RNF126: variants seen among roughly 807,000 people sequenced by gnomAD.
RNF126 encodes E3 ubiquitin-protein ligase RNF126.
A neutral mutation model predicts 41.9 loss-of-function variants in RNF126; 20 were observed. That is an observed-to-expected ratio of 0.48 (90% CI 0.34 to 0.69). RNF126 has a LOEUF of 0.69. RNF126 is among the 30% of genes least tolerant of loss of function. RNF126 has a pLI of 0.01. For synonymous variants in RNF126, 239 were observed against 202.9 expected (o/e 1.18, Z -1.51); for missense variants, 433 against 460.6 (o/e 0.94, Z 0.55).
intron 1 of RNF126, among the ~76,000 whole-genome samples, chr19:654,070 A>G (rs2030450205): frequency 6.6e-6 from 1 of 152,202 alleles, no homozygotes; most frequent in Admixed American, 6.5e-5. Flanking sequence ...TCTGGGGAGA[A>G]GCGGGGGTCT....
intron 1 of RNF126, among the ~76,000 whole-genome samples, chr19:658,423 C>T (rs981482455): frequency 3.9e-5 from 6 of 152,072 alleles, no homozygotes; most frequent in Non-Finnish European, 7.4e-5. Context: ...GCAGGGCCCT[C>T]GGGAAGCTGT....
chr19:651,765 G>A lies in RNF126; in HGVS notation c.289C>T (p.Pro97Ser), dbSNP rs2030307005. Residue 97 changes from proline to serine, a missense_variant, in exon 4 of 9, where the codon CCT becomes TCT. Pro to Ser is a moderately conservative substitution (Grantham distance 74, BLOSUM62 -1). Around this residue, in one of 5 missense-constraint regions of RNF126, gnomAD observed 247 missense variants for 224.7 expected, o/e 1.10. Coordinates refer to ENST00000292363, the MANE Select transcript of RNF126 (RefSeq NM_194460.3). ...CCGTCGTCAGCCTGCGCCCCAGGAG[G>A]GAACGTGGGGATCTCGAAGCTGTCA... ...FDDSFEIPTF[P>S]PGAQADDGRD... 6.2e-7 allele frequency: 1 copy of A among 1,612,626 alleles called. No individual in the cohort carries two copies. The highest frequency in any genetic ancestry group is 1.3e-5 in the African/African-American group (1 of 74,924).
Position 648,081 on chromosome 19 carries a change from A to C in RNF126, c.*47T>G, listed in dbSNP as rs750117113. On this transcript the variant is annotated 3_prime_UTR_variant, in exon 9 of 9. Coordinates refer to ENST00000292363, the MANE Select transcript of RNF126 (RefSeq NM_194460.3). ...TGTGGGTGCCGTGTGGCGCTGGCTG[A>C]GGGTGGGTGGGAAAGGCCCCGTGCT... is the stretch of plus-strand genomic sequence containing the variant. 1 of 1,509,278 alleles carries C rather than the reference A, an allele frequency of 6.6e-7. No homozygotes were observed. Among genetic ancestry groups the C allele is most frequent in the African/African-American group, 1.4e-5 (1 of 72,138 alleles). The allele number at this position is 1,509,278 out of a possible 1,614,324, so 93.5% of individuals were successfully genotyped here.
At chr19:655,560 C>T (rs542145462) in intron 1 of RNF126, among the ~76,000 whole-genome samples, 5 of 152,106 alleles carry the variant, frequency 3.3e-5, no homozygotes, top group East Asian at 1.9e-4. Flanking sequence ...TAAACGCAGC[C>T]GGCCAGCCCC....
intron 6 of RNF126, 113 bp downstream of exon 6, chr19:649,566 G>T: frequency 2.5e-6 from 2 of 803,658 alleles, no homozygotes; most frequent in Non-Finnish European, 2.0e-6. Context: ...GGCTGTGCCC[G>T]CATCCCCTTT....
At position 659,766 on chromosome 19, in the gene RNF126, C is replaced by CTT. The variant is rs35641190; in HGVS notation, c.75+3279_75+3280dup. ...GACACCCAGACACCCTCGTCATCGCCTTTTTTTTTTTTTTTTGGAAGGAGT... is the reference window on the plus strand; with the variant it reads ...GACACCCAGACACCCTCGTCATCGCCTTTTTTTTTTTTTTTTTTGGAAGGAGT... On this transcript the variant is annotated intron_variant, in intron 1 of 8. Coordinates refer to ENST00000292363, the MANE Select transcript of RNF126 (RefSeq NM_194460.3). The surrounding 1 kb of genome is among the most constrained non-coding windows in gnomAD (Gnocchi z 4.9). 2.7e-4 allele frequency among the ~76,000 whole-genome samples: 38 copies of CTT among 138,832 alleles called. No homozygotes were observed. The highest frequency in any genetic ancestry group is 5.6e-4 in the African/African-American group (21 of 37,458). 91.1% of individuals were successfully genotyped at this position (138,832 alleles called of 152,430 possible).
At chr19:662,409 G>A (rs958873732) in intron 1 of RNF126, among the ~76,000 whole-genome samples, 1 of 152,182 alleles carries the variant, frequency 6.6e-6, no homozygotes, top group Non-Finnish European at 1.5e-5. Context: ...GCCAAGCCCC[G>A]GGAGGGGAGG....
At chr19:655,102 G>T (rs976247953) in intron 1 of RNF126, among the ~76,000 whole-genome samples, 13 of 152,176 alleles carry the variant, frequency 8.5e-5, no homozygotes, top group African/African-American at 1.7e-4. Context: ...TTGAGGTCAG[G>T]AGCTTGAGAC....
At chr19:649,220 TG>T (rs67039359) in intron 6 of RNF126, 1,688 of 124,820 alleles carry the variant, frequency 0.014, 10 homozygotes, top group Middle Eastern at 0.054. Context: ...GACAGCGGAA[TG>T]GGGGGGGGGG....
Position 663,075 on chromosome 19 carries a change from C to A in RNF126, c.47G>T (p.Cys16Phe). 7.3e-7 allele frequency: 1 copy of A among 1,375,178 alleles called. No homozygotes were observed. 85.2% of individuals were successfully genotyped at this position (1,375,178 alleles called of 1,614,324 possible). The change falls in exon 1 of 9, where the codon TGC becomes TTC. Residue 16 changes from cysteine (C) to phenylalanine (F), a missense_variant. Transcript: ENST00000292363. The stretch of plus-strand genomic sequence containing the variant: ...CAGGCGCGGGACGATCTCCACGGAG[C>A]AGCAGTGGCAGAAGTACCGTCCGGG... ...PHPGRYFCHCCSVEIVPRLPD... is the reference protein window; with the variant it reads ...PHPGRYFCHCFSVEIVPRLPD...
intron 1 of RNF126, among the ~76,000 whole-genome samples, chr19:661,748 G>A (rs962812908): frequency 7.2e-5 from 11 of 152,124 alleles, no homozygotes; most frequent in African/African-American, 2.7e-4. Flanking sequence ...CTTCTCTTAC[G>A]GGTCAAAGCG....
At chr19:652,796 TC>T in intron 2 of RNF126, 29 bp downstream of exon 2, 1 of 1,606,460 alleles carries the variant, frequency 6.2e-7, no homozygotes, top group Non-Finnish European at 8.5e-7. Context: ...GGCTGGCTCT[TC>T]CAGCCTCTTC....
Position 659,403 on chromosome 19 carries a change from G to A in RNF126, c.75+3644C>T, listed in dbSNP as rs1224113636. Among the ~76,000 whole-genome samples the A allele has an allele frequency of 2.0e-5, 3 of 152,110 alleles. No homozygotes were observed. The East Asian group carries it at 5.8e-4, about 29-fold the overall frequency. Reference sequence around the variant, plus strand: ...GGCGGCAGGGCCCAGCACCCCCACCGTCCTCTCACCGCCACTTGGGGACAC... The same window carrying A: ...GGCGGCAGGGCCCAGCACCCCCACCATCCTCTCACCGCCACTTGGGGACAC... On this transcript the variant is annotated intron_variant, in intron 1 of 8. Coordinates refer to ENST00000292363, the MANE Select transcript of RNF126 (RefSeq NM_194460.3). The surrounding 1 kb of genome is among the most constrained non-coding windows in gnomAD (Gnocchi z 4.9).
chr19:663,034 G>T lies in RNF126; in HGVS notation c.75+13C>A. On this transcript the variant is annotated intron_variant, in intron 1 of 8. Transcript: ENST00000292363. ...GCAGACCCTGCCGCCCGCCGCCCCGGCCCGGGCCTCACCGGCAGGCGCGGG... is the reference window on the plus strand; with the variant it reads ...GCAGACCCTGCCGCCCGCCGCCCCGTCCCGGGCCTCACCGGCAGGCGCGGG... The T allele has an allele frequency of 1.5e-6, 2 of 1,347,724 alleles. No individual in the cohort carries two copies. Among genetic ancestry groups the T allele is most frequent in the Non-Finnish European group, 9.6e-7 (1 of 1,041,558 alleles). The allele number at this position is 1,347,724 out of a possible 1,614,324, so 83.5% of individuals were successfully genotyped here. A position where few individuals can be genotyped will look rare whatever the true frequency, so the allele number is the denominator to read the frequency against.
chr19:657,059 C>A (rs373942388), intron 1 of RNF126, among the ~76,000 whole-genome samples: 3 of 152,302 alleles, frequency 2.0e-5, no homozygotes, highest in East Asian at 3.9e-4. Flanking sequence ...GCTGCACTGG[C>A]CCCCACTGAG....
At chr19:651,143 AGC>A (rs2144759190) in intron 4 of RNF126, among the ~76,000 whole-genome samples, 2 of 152,044 alleles carry the variant, frequency 1.3e-5, no homozygotes, top group South Asian at 4.2e-4. Flanking sequence ...TTCCACCAGG[AGC>A]AGGGCCCAGC....
At chr19:651,896 C>A (rs201553675) in intron 3 of RNF126, 41 bp from the exon 4 acceptor site, 4 of 1,568,372 alleles carry the variant, frequency 2.6e-6, no homozygotes, top group Admixed American at 3.6e-5. Context: ...GGCTCAGGCC[C>A]GTGCAGTCTG....
Position 648,260 on chromosome 19 carries a change from G to T in RNF126, c.804C>A (p.Val268=). ...PWLEQHDSCP[V]CRKSLTGQNT... is the part of the protein sequence containing the mutation. ...TCTGTCCCGTGAGGCTTTTTCGGCAGACGGGGCAGCTGTCGTGCTTTGTGG... is the reference window on the plus strand; with the variant it reads ...TCTGTCCCGTGAGGCTTTTTCGGCATACGGGGCAGCTGTCGTGCTTTGTGG... The change falls in exon 9 of 9, where the codon GTC becomes GTA. Residue 268 remains valine, a synonymous_variant. Transcript: ENST00000292363. 1 of 1,574,468 alleles carries T rather than the reference G, an allele frequency of 6.4e-7. No homozygotes were observed. The highest frequency in any genetic ancestry group is 2.3e-5 in the East Asian group (1 of 42,654).
At chr19:660,304 G>T (rs1271890433) in intron 1 of RNF126, among the ~76,000 whole-genome samples, 1 of 152,256 alleles carries the variant, frequency 6.6e-6, no homozygotes, top group African/African-American at 2.4e-5. Flanking sequence ...TGACCCAGCT[G>T]CGCGGGGCCT....
Sources: allele counts gnomAD v4.1 joint callset (sites outside exome capture counted in the v4.1 genomes callset), GRCh38; gene constraint gnomAD v4.1.1; regional missense constraint gnomAD v4.1.1; non-coding constraint Gnocchi (gnomAD v3.1); transcripts MANE v1.5; gene names NCBI Gene and HGNC (gene_info 2026-07-23, HGNC 2026-07-21).